The following PTPRK variants were observed in gnomAD, a reference collection of about 807,000 sequenced individuals.
PTPRK encodes receptor-type tyrosine-protein phosphatase kappa.
Under a neutral mutation model 178.0 loss-of-function variants are expected in PTPRK, and 75 were observed. The observed-to-expected ratio is 0.42, with a 90% CI of 0.35 to 0.51. The LOEUF (loss-of-function observed/expected upper bound fraction) is 0.51. Among genes scored for constraint, PTPRK ranks in the 20% least tolerant of loss-of-function variants. PTPRK has a pLI of 0.02. For synonymous variants in PTPRK, 637 were observed against 620.6 expected (o/e 1.03, Z -0.39); for missense variants, 1,441 against 1,797.8 (o/e 0.80, Z 3.59).
At chr6:128,310,501 T>C (rs967677830) in intron 3 of PTPRK, among the ~76,000 whole-genome samples, 2 of 152,114 alleles carry the variant, frequency 1.3e-5, no homozygotes, top group Non-Finnish European at 2.9e-5. Flanking sequence ...CATTTAAAAA[T>C]GCTGTACCTT....
intron 2 of PTPRK, among the ~76,000 whole-genome samples, chr6:128,329,573 G>A (rs1260217702): frequency 6.6e-6 from 1 of 152,102 alleles, no homozygotes; most frequent in African/African-American, 2.4e-5. Context: ...CCAATAACCA[G>A]GAGAGCCATT....
At chr6:128,091,984 A>G (rs1269574007) in intron 7 of PTPRK, among the ~76,000 whole-genome samples, 1 of 152,224 alleles carries the variant, frequency 6.6e-6, no homozygotes, top group Non-Finnish European at 1.5e-5. Flanking sequence ...TGTTATGCAG[A>G]AAATGGATAG....
chr6:128,004,296 A>G (rs1291280144), intron 15 of PTPRK, among the ~76,000 whole-genome samples: 1 of 151,834 alleles, frequency 6.6e-6, no homozygotes, highest in Non-Finnish European at 1.5e-5. Context: ...AAGTTAGGCA[A>G]TTTCACTTAA....
chr6:128,044,994 T>C (rs182709918), intron 13 of PTPRK, among the ~76,000 whole-genome samples: 2 of 152,082 alleles, frequency 1.3e-5, no homozygotes, highest in East Asian at 3.9e-4. Context: ...ATGAATAAAT[T>C]TGTTGGGGAA....
At chr6:127,972,214 A>T (rs6930225) in intron 29 of PTPRK, among the ~76,000 whole-genome samples, 10,694 of 152,250 alleles carry the variant, frequency 0.07, 1,280 homozygotes, top group African/African-American at 0.24. Flanking sequence ...TGCTCATTCT[A>T]GTTATCTGAT....
At position 128,262,857 on chromosome 6, in the gene PTPRK, C is replaced by CAAAAAAAAAAA. The variant is rs747334195; in HGVS notation, c.496-20266_496-20256dup. ...TTTAGGTGGGTCCAAAACCAATAAC[C>CAAAAAAAAAAA]AAAAAAAAAAAAAAAAAAGTCTAAG... On this transcript the variant is annotated intron_variant, in intron 3 of 29. Transcript: ENST00000368226. 2.5e-3 allele frequency among the ~76,000 whole-genome samples: 187 copies of CAAAAAAAAAAA among 75,026 alleles called. 2 individuals carry two copies. Among genetic ancestry groups the CAAAAAAAAAAA allele is most frequent in the African/African-American group, 9.1e-3 (179 of 19,624 alleles). The allele number at this position is 75,026 out of a possible 152,430, so 49.2% of individuals were successfully genotyped here. A position where few individuals can be genotyped will look rare whatever the true frequency, so the allele number is the denominator to read the frequency against.
intron 1 of PTPRK, among the ~76,000 whole-genome samples, chr6:128,474,815 C>T (rs867595447): frequency 6.6e-6 from 1 of 152,166 alleles, no homozygotes; most frequent in Middle Eastern, 3.4e-3. Flanking sequence ...TTACAAACAC[C>T]CAATGTCTCA....
At chr6:128,108,996 T>G (rs185327640) in intron 7 of PTPRK, among the ~76,000 whole-genome samples, 4 of 152,160 alleles carry the variant, frequency 2.6e-5, no homozygotes, top group Admixed American at 2.0e-4. Flanking sequence ...CTCAATGGAG[T>G]AGAGGGCTTC....
chr6:128,520,408 G>T lies in PTPRK; in HGVS notation c.-50C>A. ...CAGCTTTGCAAAGAGCTGCCGGGGG[G>T]ATCGCCGCGAAATCCACGACGGAGG... On this transcript the variant is annotated 5_prime_UTR_variant, in exon 1 of 30. Transcript: ENST00000368226. The T allele has an allele frequency of 6.5e-7, 1 of 1,537,096 alleles. No individual in the cohort carries two copies. Among genetic ancestry groups the T allele is most frequent in the East Asian group, 2.4e-5 (1 of 41,320 alleles).
chr6:128,517,993 ATTT>A (rs1375016528), intron 1 of PTPRK, among the ~76,000 whole-genome samples: 2 of 152,216 alleles, frequency 1.3e-5, no homozygotes, highest in East Asian at 3.9e-4. Context: ...CTGCCATAGA[ATTT>A]TATGACAATA....
intron 7 of PTPRK, among the ~76,000 whole-genome samples, chr6:128,137,872 T>C (rs1029351765): frequency 1.3e-5 from 2 of 152,096 alleles, no homozygotes; most frequent in Non-Finnish European, 2.9e-5. Context: ...TATGAATTAT[T>C]TCAAATAATG....
intron 3 of PTPRK, among the ~76,000 whole-genome samples, chr6:128,262,126 T>G (rs551271852): frequency 5.9e-5 from 9 of 152,260 alleles, no homozygotes; most frequent in Admixed American, 2.6e-4. Context: ...CTTTCCAGGT[T>G]TGGATTCATC....
intron 1 of PTPRK, among the ~76,000 whole-genome samples, chr6:128,510,899 A>T (rs1857082894): frequency 6.6e-6 from 1 of 152,004 alleles, no homozygotes; most frequent in East Asian, 1.9e-4. Context: ...ATACATATAT[A>T]GTAAGAACAC....
chr6:128,004,763 A>T (rs1360231346), intron 15 of PTPRK, among the ~76,000 whole-genome samples: 2 of 151,874 alleles, frequency 1.3e-5, no homozygotes, highest in Non-Finnish European at 2.9e-5. Context: ...ATAAATTCTG[A>T]CATGAACTAA....
At chr6:128,384,064 C>T (rs567421556) in intron 2 of PTPRK, among the ~76,000 whole-genome samples, 37 of 152,260 alleles carry the variant, frequency 2.4e-4, no homozygotes, top group Admixed American at 7.9e-4. Context: ...GTTACTTTAG[C>T]TGCTACTTTA....
At chr6:128,080,600 T>C (rs527540816) in intron 10 of PTPRK, among the ~76,000 whole-genome samples, 2 of 152,184 alleles carry the variant, frequency 1.3e-5, no homozygotes, top group South Asian at 2.1e-4. Flanking sequence ...ATATGTAGTA[T>C]GTATGTGTGT....
At chr6:128,314,123 T>C (rs970291908) in intron 3 of PTPRK, among the ~76,000 whole-genome samples, 4 of 152,206 alleles carry the variant, frequency 2.6e-5, no homozygotes, top group African/African-American at 9.6e-5. Context: ...GTTTTTGTCA[T>C]TCAGATCTCC....
chr6:128,360,982 A>G (rs372277455), intron 2 of PTPRK, among the ~76,000 whole-genome samples: 3 of 152,288 alleles, frequency 2.0e-5, no homozygotes, highest in South Asian at 4.1e-4. Context: ...CCTCTGTCCC[A>G]TTATAGCTTT....
intron 7 of PTPRK, among the ~76,000 whole-genome samples, chr6:128,137,315 G>A (rs572536064): frequency 3.3e-5 from 5 of 152,250 alleles, no homozygotes; most frequent in Non-Finnish European, 5.9e-5. Context: ...AGTGTACATA[G>A]GTAAGCCACC....
Sources: gnomAD v4.1 joint callset for allele counts (sites outside exome capture counted in the v4.1 genomes callset) on GRCh38, gnomAD v4.1.1 for gene constraint, MANE v1.5 for transcripts, NCBI Gene and HGNC (gene_info 2026-07-23, HGNC 2026-07-21) for gene names.